Variants in LRP3 observed in about 807,000 individuals in gnomAD.
LRP3 encodes LDL receptor related protein 3.
LRP3 carries 49 observed loss-of-function variants against 58.5 expected under a neutral mutation model. That is an observed-to-expected ratio of 0.84 (90% CI 0.67 to 1.06). The LOEUF (loss-of-function observed/expected upper bound fraction) is 1.06, where lower values mean the gene tolerates loss of function less well. Among genes scored for constraint, LRP3 ranks in the 50% least tolerant of loss-of-function variants. The pLI is 0.00. For synonymous variants in LRP3, 485 were observed against 492.2 expected, an observed-to-expected ratio of 0.99 and a Z score of 0.20; for missense variants, 1,019 against 1,134.2, an observed-to-expected ratio of 0.90 and a Z score of 1.46.
chr19:33,205,832 C>T lies in LRP3; in HGVS notation c.1062C>T (p.Ala354=), dbSNP rs369307521. 89 of 1,588,322 alleles carry T rather than the reference C, an allele frequency of 5.6e-5. No homozygotes were observed. In the African/African-American group the frequency reaches 7.4e-4, roughly 13 times the overall value. Reference sequence around the variant, plus strand: ...CCTACCACGCGCGCGCCCGCAGCGCCGGCCACGGCTTCAATGCCACCTACC... The same window carrying T: ...CCTACCACGCGCGCGCCCGCAGCGCTGGCCACGGCTTCAATGCCACCTACC... ...TVAYHARARS[A]GHGFNATYQV... is the part of the protein sequence containing the mutation. Residue 354 remains alanine, a synonymous_variant, in exon 5 of 7, where the codon GCC becomes GCT. Transcript: ENST00000253193.
At position 33,207,757 on chromosome 19, in the gene LRP3, G is replaced by GA; in HGVS notation, c.*182_*183insA. 1.7e-6 allele frequency: 1 copy of GA among 599,078 alleles called. No homozygotes were observed. The highest frequency in any genetic ancestry group is 2.0e-5 in the South Asian group (1 of 50,428). The allele number at this position is 599,078 out of a possible 1,614,324, so 37.1% of individuals were successfully genotyped here. ...GGAGCTGTGGGACTGAACGGCGGGG[G>GA]GGAGAAGAGTGGAGTGGTGAGCCCG... On this transcript the variant is annotated 3_prime_UTR_variant, in exon 7 of 7. Transcript: ENST00000253193.
In LRP3 at chr19:33,207,142, C is replaced by T. The variant is rs1321483212; in HGVS notation, c.1880C>T (p.Ala627Val). The T allele has an allele frequency of 6.5e-7, 1 of 1,534,810 alleles. No homozygotes were observed. The highest frequency in any genetic ancestry group is 8.7e-7 in the Non-Finnish European group (1 of 1,144,350). Residue 627 changes from alanine to valine, a missense_variant, in exon 7 of 7, where the codon GCA (alanine) becomes GTA (valine). By Grantham distance (64) the Ala-to-Val change is moderately conservative. This residue lies in a region of LRP3 where 427 missense variants were observed against 408.6 expected (regional missense o/e 1.04). Transcript: ENST00000253193. ...APRGQIPLLT[A>V]ARPSQTVLGD... ...CGAGGCCAGATCCCACTGCTGACCGCAGCACGCCCCTCACAGACCGTGCTG... is the reference window on the plus strand; with the variant it reads ...CGAGGCCAGATCCCACTGCTGACCGTAGCACGCCCCTCACAGACCGTGCTG...
Position 33,205,405 on chromosome 19 carries a change from G to A in LRP3, c.635G>A (p.Cys212Tyr). Reference protein sequence around the residue: ...APASEPPGSLCPGGTFPCSGA... With the variant: ...APASEPPGSLYPGGTFPCSGA... Reference sequence around the variant, plus strand: ...GCCTCCGAGCCTCCAGGCAGCCTGTGCCCCGGGGGGACCTTCCCATGCAGC... The same window carrying A: ...GCCTCCGAGCCTCCAGGCAGCCTGTACCCCGGGGGGACCTTCCCATGCAGC... The change falls in exon 5 of 7, where the codon TGC (cysteine) becomes TAC (tyrosine). Residue 212 changes from cysteine (C) to tyrosine (Y), a missense_variant. Physicochemically the swap from Cys to Tyr is radical, Grantham distance 194 (BLOSUM62 -2). Around this residue, in one of 2 missense-constraint regions of LRP3, gnomAD observed 592 missense variants for 725.5 expected, o/e 0.82. Coordinates refer to ENST00000253193, the MANE Select transcript of LRP3 (RefSeq NM_002333.4). 1 of 1,594,860 alleles carries A rather than the reference G, an allele frequency of 6.3e-7. No individual in the cohort carries two copies. The highest frequency in any genetic ancestry group is 1.3e-5 in the African/African-American group (1 of 74,772).
intron 3 of LRP3, 168 bp from the exon 4 acceptor site, chr19:33,204,470 C>CT (rs2145455122): frequency 1.6e-6 from 1 of 642,704 alleles, no homozygotes; most frequent in Non-Finnish European, 2.8e-6. Context: ...GACAGAGTGG[C>CT]TGGGAGTGGA....
intron 2 of LRP3, among the ~76,000 whole-genome samples, chr19:33,202,287 C>T (rs1005369116): frequency 1.3e-5 from 2 of 152,224 alleles, no homozygotes; most frequent in African/African-American, 2.4e-5. Flanking sequence ...AGGGGTTCTG[C>T]GTAAAGTTCG....
chr19:33,206,973 T>C lies in LRP3; in HGVS notation c.1726-15T>C, dbSNP rs2145459598. ...CAGCCGCATCCCCCCGCCCCTACCC[T>C]GCTCCACCCCACAGGCCTCTGTGCT... On this transcript the variant is annotated splice_polypyrimidine_tract_variant and intron_variant, in intron 6 of 6. Transcript: ENST00000253193. The C allele has an allele frequency of 7.0e-7, 1 of 1,438,412 alleles. No homozygotes were observed. The highest frequency in any genetic ancestry group is 9.2e-7 in the Non-Finnish European group (1 of 1,089,654). The allele number at this position is 1,438,412 out of a possible 1,614,324, so 89.1% of individuals were successfully genotyped here. A position where few individuals can be genotyped will look rare whatever the true frequency, so the allele number is the denominator to read the frequency against.
chr19:33,203,297 AAC>A (rs1974362583), intron 3 of LRP3, among the ~76,000 whole-genome samples: 1 of 151,366 alleles, frequency 6.6e-6, no homozygotes, highest in Non-Finnish European at 1.5e-5. Flanking sequence ...CATGCATGTG[AAC>A]ACATGTAAGT....
rs1974290292 is a variant in LRP3 at position 33,196,791 on chromosome 19, TTCTC to T, written c.121+17_121+20del. On this transcript the variant is annotated intron_variant, in intron 2 of 6. Transcript: ENST00000253193. ...TTCCTGCCTTAGGTAAGTAAGCACT[TTCTC>T]TCCTTCCTCCACTCCTTCAGTCCCT... The T allele has an allele frequency of 6.2e-7, 1 of 1,613,592 alleles. No individual in the cohort carries two copies. Among genetic ancestry groups the T allele is most frequent in the Non-Finnish European group, 8.5e-7 (1 of 1,179,460 alleles).
chr19:33,207,532 C>A lies in LRP3; in HGVS notation c.2270C>A (p.Pro757Gln). ...AGGAACCCCCCGCCCCCCTGCTCCC[C>A]AATGCTGGAGGCCAGCGATGATGAG... ...VCRNPPPPCS[P>Q]MLEASDDEAL... The change falls in exon 7 of 7, where the codon CCA becomes CAA. Residue 757 changes from proline to glutamine, a missense_variant. Pro to Gln is a moderately conservative substitution (Grantham distance 76). Transcript: ENST00000253193. 6.2e-7 allele frequency: 1 copy of A among 1,606,072 alleles called. No homozygotes were observed.
In LRP3 at chr19:33,201,431, G is replaced by A. The variant is rs1259069381; in HGVS notation, c.122-1417G>A. Among the ~76,000 whole-genome samples, 4 of 152,304 alleles carry A rather than the reference G, an allele frequency of 2.6e-5. No individual in the cohort carries two copies. The East Asian group carries it at 5.8e-4, about 22-fold the overall frequency. ...TCCGGGGGGCTAGGGGTTATGGGAG[G>A]GATGAGGCAGAGTGTGGGGCAGGGA... On this transcript the variant is annotated intron_variant, in intron 2 of 6. Transcript: ENST00000253193.
Position 33,208,842 on chromosome 19 carries a change from A to C in LRP3, c.*1267A>C, listed in dbSNP as rs1331632183. 6.2e-7 allele frequency: 1 copy of C among 1,613,390 alleles called. No homozygotes were observed. Among genetic ancestry groups the C allele is most frequent in the Non-Finnish European group, 8.5e-7 (1 of 1,179,768 alleles). On this transcript the variant is annotated 3_prime_UTR_variant, in exon 7 of 7. Coordinates refer to ENST00000253193, the MANE Select transcript of LRP3 (RefSeq NM_002333.4). This position sits in a 1 kb window ranked among gnomAD's most constrained non-coding sequence, Gnocchi z 4.7. ...AACTTTTTTGCCAAAACACCTCCTCAATAAACAACATGTAAACAGAAACAA... is the reference window on the plus strand; with the variant it reads ...AACTTTTTTGCCAAAACACCTCCTCCATAAACAACATGTAAACAGAAACAA...
intron 1 of LRP3, among the ~76,000 whole-genome samples, chr19:33,196,495 C>T (rs1236731871): frequency 6.6e-6 from 1 of 152,210 alleles, no homozygotes; most frequent in Non-Finnish European, 1.5e-5. Context: ...GAGTTTGAAG[C>T]TGCAGTGAGC....
At chr19:33,204,440 C>T in intron 3 of LRP3, 198 bp from the exon 4 acceptor site, 1 of 615,042 alleles carries the variant, frequency 1.6e-6, no homozygotes, top group Non-Finnish European at 2.9e-6. Context: ...CCGTGCACAC[C>T]TGGATGGGGA....
At chr19:33,204,264 CTTGGG>C in intron 3 of LRP3, 1 of 267,092 alleles carries the variant, frequency 3.7e-6, no homozygotes, top group Admixed American at 4.9e-5. Context: ...GTTCTGGGCC[CTTGGG>C]CCACTGCCCT....
rs780725836 is a variant in LRP3, at chr19:33,206,464, T to C, written c.1592+102T>C. 22 of 1,594,442 alleles carry C rather than the reference T, an allele frequency of 1.4e-5. No homozygotes were observed. In the Admixed American group the frequency reaches 3.2e-4, roughly 23 times the overall value. On this transcript the variant is annotated intron_variant, in intron 5 of 6. Transcript: ENST00000253193. ...CAAACGGGGGCCTGGACTAGCTACA[T>C]GGAGGCTGCCCTGGTGCACACTGGG...
intron 2 of LRP3, among the ~76,000 whole-genome samples, chr19:33,197,216 TGAAAG>T (rs1237307790): frequency 6.6e-6 from 1 of 152,048 alleles, no homozygotes; most frequent in Non-Finnish European, 1.5e-5. Flanking sequence ...TTAATTTTCT[TGAAAG>T]GAGGGGACAT....
chr19:33,199,735 G>C (rs1346970977), intron 2 of LRP3, among the ~76,000 whole-genome samples: 1 of 152,232 alleles, frequency 6.6e-6, no homozygotes, highest in Non-Finnish European at 1.5e-5. Context: ...GCAGCTGGCA[G>C]TTGTCCCTTC....
chr19:33,205,897 G>GGA lies in LRP3; in HGVS notation c.1129_1130dup (p.Ser377ArgfsTer162). On this transcript the variant is annotated frameshift_variant, in exon 5 of 7. Coordinates refer to ENST00000253193, the MANE Select transcript of LRP3 (RefSeq NM_002333.4). LOFTEE classifies it high-confidence loss of function. ...TGCCTCCCCTGGGAGCAGCCGTGCG[G>GGA]GAGCAGTAGTGACAGTGACGGGGGC... is the stretch of plus-strand genomic sequence containing the variant. The GGA allele has an allele frequency of 6.2e-7, 1 of 1,606,998 alleles. No individual in the cohort carries two copies.
At chr19:33,197,519 C>T (rs1259279880) in intron 2 of LRP3, among the ~76,000 whole-genome samples, 3 of 152,108 alleles carry the variant, frequency 2.0e-5, no homozygotes, top group East Asian at 1.9e-4. Context: ...CTTAGCTACT[C>T]GGGAGACTGA....
Sources: gnomAD v4.1 joint callset for allele counts (sites outside exome capture counted in the v4.1 genomes callset) on GRCh38, gnomAD v4.1.1 for gene constraint, gnomAD v4.1.1 regional missense constraint, Gnocchi (gnomAD v3.1) non-coding constraint, MANE v1.5 for transcripts, NCBI Gene and HGNC (gene_info 2026-07-23, HGNC 2026-07-21) for gene names.